The following ACSL3 variants were observed in gnomAD, a reference collection of about 807,000 sequenced individuals.
ACSL3 encodes the protein fatty acid CoA ligase Acsl3.
A neutral mutation model predicts 84.7 loss-of-function variants in ACSL3; 34 were observed. That is an observed-to-expected ratio of 0.40 (90% CI 0.31 to 0.53). The LOEUF (loss-of-function observed/expected upper bound fraction) is 0.53, where lower values mean the gene tolerates loss of function less well. ACSL3 is among the 20% of genes least tolerant of loss of function. The pLI, the probability that ACSL3 is intolerant of heterozygous loss-of-function variation, is 0.48. For missense variants in ACSL3, 680 were observed against 873.1 expected (o/e 0.78, Z 2.79); for synonymous variants, 315 against 299.4 (o/e 1.05, Z -0.54).
At chr2:222,908,003 A>ATACC (rs1296524819) in intron 3 of ACSL3, among the ~76,000 whole-genome samples, 1 of 152,190 alleles carries the variant, frequency 6.6e-6, no homozygotes, top group Non-Finnish European at 1.5e-5. Context: ...GCATGCATGC[A>ATACC]TACCTACATA....
intron 1 of ACSL3, among the ~76,000 whole-genome samples, chr2:222,885,272 A>G (rs1695691782): frequency 6.6e-6 from 1 of 152,208 alleles, no homozygotes. Flanking sequence ...ATAGGAGTCT[A>G]CATTTTCAGC....
chr2:222,918,156 G>A lies in ACSL3; in HGVS notation c.666+1G>A, dbSNP rs191324442. On this transcript the variant is annotated splice_donor_variant, in intron 6 of 16. Transcript: ENST00000357430. LOFTEE classifies it high-confidence loss of function. ...AGAACTCTTACAAACAAAGTTGAAG[G>A]TGAGGACTCTAGTTACTTTCTAACT... 1 of 1,592,052 alleles carries A rather than the reference G, an allele frequency of 6.3e-7. No individual in the cohort carries two copies. Among genetic ancestry groups the A allele is most frequent in the East Asian group, 2.2e-5 (1 of 44,554 alleles).
intron 10 of ACSL3, 42 bp downstream of exon 10, chr2:222,923,191 A>G: frequency 1.4e-6 from 2 of 1,471,076 alleles, no homozygotes; most frequent in Non-Finnish European, 1.9e-6. Context: ...TTAAAGAAGT[A>G]TCACCCGCTA....
intron 4 of ACSL3, among the ~76,000 whole-genome samples, chr2:222,915,659 A>T (rs891211262): frequency 4.6e-5 from 7 of 152,274 alleles, no homozygotes; most frequent in Non-Finnish European, 1.5e-5. Flanking sequence ...TACGATAAAC[A>T]GATAAAATAT....
At chr2:222,906,677 C>T (rs557628477) in intron 3 of ACSL3, among the ~76,000 whole-genome samples, 26 of 150,900 alleles carry the variant, frequency 1.7e-4, no homozygotes, top group Non-Finnish European at 1.3e-4. Flanking sequence ...TGCAGTGGCG[C>T]TATCTCTGCT....
chr2:222,937,030 G>A (rs1697190277), intron 16 of ACSL3, among the ~76,000 whole-genome samples: 1 of 152,174 alleles, frequency 6.6e-6, no homozygotes, highest in Non-Finnish European at 1.5e-5. Flanking sequence ...AATTTGAGAT[G>A]AGATTTGGGT....
At chr2:222,865,266 G>A (rs1695107968) in intron 1 of ACSL3, among the ~76,000 whole-genome samples, 1 of 152,108 alleles carries the variant, frequency 6.6e-6, no homozygotes, top group South Asian at 2.1e-4. Flanking sequence ...TATTTTTGAT[G>A]TTTCCCATTT....
At chr2:222,927,700 A>C (rs1338584121) in intron 12 of ACSL3, among the ~76,000 whole-genome samples, 1 of 152,208 alleles carries the variant, frequency 6.6e-6, no homozygotes, top group East Asian at 1.9e-4. Context: ...ACTAATCAGC[A>C]GTTCTGAGAT....
intron 2 of ACSL3, among the ~76,000 whole-genome samples, chr2:222,891,035 G>C (rs1695834454): frequency 6.6e-6 from 1 of 152,172 alleles, no homozygotes; most frequent in East Asian, 1.9e-4. Context: ...CTTAGTACAG[G>C]TTCATGTAAT....
chr2:222,914,253 G>A (rs988273659), intron 4 of ACSL3, among the ~76,000 whole-genome samples: 1 of 144,766 alleles, frequency 6.9e-6, no homozygotes, highest in African/African-American at 2.7e-5. Context: ...GTGTGTGTGT[G>A]TGTGTGTGTG....
At chr2:222,932,564 A>G (rs1697061052) in intron 14 of ACSL3, among the ~76,000 whole-genome samples, 1 of 152,224 alleles carries the variant, frequency 6.6e-6, no homozygotes, top group Admixed American at 6.5e-5. Flanking sequence ...CCTGACCTCA[A>G]GTGATGTGCC....
At chr2:222,900,455 C>T (rs1696110532) in intron 2 of ACSL3, among the ~76,000 whole-genome samples, 1 of 152,098 alleles carries the variant, frequency 6.6e-6, no homozygotes, top group Admixed American at 6.6e-5. Flanking sequence ...CTAGCTCTGG[C>T]CTCTCTGAAG....
chr2:222,922,159 G>C (rs943992207), intron 8 of ACSL3, among the ~76,000 whole-genome samples: 1 of 152,162 alleles, frequency 6.6e-6, no homozygotes. Context: ...AGCTCTTGAA[G>C]TATATACAAA....
intron 2 of ACSL3, among the ~76,000 whole-genome samples, chr2:222,892,213 CTG>C (rs1695858449): frequency 6.6e-6 from 1 of 152,156 alleles, no homozygotes; most frequent in Non-Finnish European, 1.5e-5. Context: ...ATAAGTTAGT[CTG>C]TGTGTTGTTG....
At chr2:222,922,869 CAT>C (rs1696777709) in intron 9 of ACSL3, 38 bp downstream of exon 9, 1 of 1,611,414 alleles carries the variant, frequency 6.2e-7, no homozygotes, top group East Asian at 2.2e-5. Flanking sequence ...ACTAAAAAAT[CAT>C]AGTGAATTGT....
At chr2:222,904,288 C>CA (rs11412579) in intron 3 of ACSL3, among the ~76,000 whole-genome samples, 45,121 of 106,410 alleles carry the variant, frequency 0.42, 6,899 homozygotes, top group Admixed American at 0.49. Context: ...CAAAACAAAA[C>CA]AAAACAAAAA....
At chr2:222,921,725 A>G (rs761637394) in intron 8 of ACSL3, among the ~76,000 whole-genome samples, 2 of 152,132 alleles carry the variant, frequency 1.3e-5, no homozygotes, top group Admixed American at 6.5e-5. Context: ...TTTTATATCT[A>G]AATACAATTC....
intron 16 of ACSL3, among the ~76,000 whole-genome samples, chr2:222,941,016 C>T (rs1697291918): frequency 6.6e-6 from 1 of 152,128 alleles, no homozygotes; most frequent in South Asian, 2.1e-4. Flanking sequence ...ATCCTCCCAC[C>T]TCAGCCTCCT....
intron 3 of ACSL3, among the ~76,000 whole-genome samples, chr2:222,907,031 T>C (rs1574544353): frequency 6.6e-6 from 1 of 152,244 alleles, no homozygotes; most frequent in Admixed American, 6.5e-5. Context: ...TTCTCCAGCC[T>C]GTGCAGAACC....
Sources: allele counts gnomAD v4.1 joint callset (sites outside exome capture counted in the v4.1 genomes callset), GRCh38; gene constraint gnomAD v4.1.1; transcripts MANE v1.5; gene names NCBI Gene and HGNC (gene_info 2026-07-23, HGNC 2026-07-21).